Variants in ERBB4 observed in about 807,000 individuals in gnomAD.
ERBB4 encodes the protein receptor tyrosine-protein kinase erbB-4.
ERBB4 carries 42 observed loss-of-function variants against 158.0 expected under a neutral mutation model. The observed-to-expected ratio is 0.27, with a 90% confidence interval of 0.21 to 0.34. The LOEUF is 0.34. Ranked by LOEUF, ERBB4 falls within the 10% of genes least tolerant of loss-of-function variation. ERBB4 has a pLI of 1.00. For synonymous variants in ERBB4, 583 were observed against 558.7 expected, an observed-to-expected ratio of 1.04 and a Z score of -0.61; for missense variants, 1,333 against 1,624.1, an observed-to-expected ratio of 0.82 and a Z score of 3.08.
At chr2:211,549,244 T>C (rs1263142756) in intron 20 of ERBB4, among the ~76,000 whole-genome samples, 1 of 152,054 alleles carries the variant, frequency 6.6e-6, no homozygotes, top group Non-Finnish European at 1.5e-5. Flanking sequence ...CACTTAGGTT[T>C]TGTTGTCTGA....
intron 2 of ERBB4, among the ~76,000 whole-genome samples, chr2:211,963,858 T>C (rs142130431): frequency 1.6e-3 from 239 of 152,306 alleles, no homozygotes; most frequent in African/African-American, 5.5e-3. Context: ...TATCTTTTGT[T>C]TGAAAGAAAG....
chr2:212,325,685 C>T (rs1048589132), intron 1 of ERBB4, among the ~76,000 whole-genome samples: 1 of 150,270 alleles, frequency 6.7e-6, no homozygotes, highest in Non-Finnish European at 1.5e-5. Context: ...ATTTATCATT[C>T]CTGTGTATTA....
chr2:212,415,897 T>A (rs910164654), intron 1 of ERBB4, among the ~76,000 whole-genome samples: 97 of 152,256 alleles, frequency 6.4e-4, no homozygotes, highest in African/African-American at 2.2e-3. Flanking sequence ...TCCATTCAAA[T>A]TATGATATCA....
chr2:212,355,186 G>A (rs771751654), intron 1 of ERBB4, among the ~76,000 whole-genome samples: 5 of 151,926 alleles, frequency 3.3e-5, no homozygotes, highest in Non-Finnish European at 5.9e-5. Context: ...ATTGCACTTA[G>A]CACTTTGTGT....
chr2:212,303,259 T>C (rs1203957072), intron 1 of ERBB4, among the ~76,000 whole-genome samples: 1 of 151,436 alleles, frequency 6.6e-6, no homozygotes, highest in Non-Finnish European at 1.5e-5. Context: ...ATTAGGGAGC[T>C]TCAGACAGGA....
At chr2:212,477,983 C>A (rs1335103599) in intron 1 of ERBB4, among the ~76,000 whole-genome samples, 1 of 152,084 alleles carries the variant, frequency 6.6e-6, no homozygotes, top group Non-Finnish European at 1.5e-5. Flanking sequence ...TCTTATTGGG[C>A]TGTGTCATTC....
At chr2:211,723,334 A>T (rs1209265012) in intron 6 of ERBB4, among the ~76,000 whole-genome samples, 1 of 152,188 alleles carries the variant, frequency 6.6e-6, no homozygotes, top group African/African-American at 2.4e-5. Flanking sequence ...ACATATAAAC[A>T]TGTGATTAAC....
At chr2:212,339,202 C>A (rs1170966615) in intron 1 of ERBB4, among the ~76,000 whole-genome samples, 1 of 152,028 alleles carries the variant, frequency 6.6e-6, no homozygotes, top group Admixed American at 6.6e-5. Flanking sequence ...TGTGTTGTTC[C>A]CCTTCCTGTG....
chr2:212,424,833 G>T (rs2091872326), intron 1 of ERBB4, among the ~76,000 whole-genome samples: 1 of 151,882 alleles, frequency 6.6e-6, no homozygotes, highest in Admixed American at 6.6e-5. Flanking sequence ...TATAAACAAA[G>T]AAAAAGCCTT....
chr2:212,233,612 T>C (rs1302503603), intron 1 of ERBB4, among the ~76,000 whole-genome samples: 1 of 152,178 alleles, frequency 6.6e-6, no homozygotes, highest in Non-Finnish European at 1.5e-5. Context: ...TATTTACTTT[T>C]ATTAAACACT....
chr2:212,458,815 A>C (rs1688430782), intron 1 of ERBB4, among the ~76,000 whole-genome samples: 1 of 152,198 alleles, frequency 6.6e-6, no homozygotes, highest in African/African-American at 2.4e-5. Flanking sequence ...AACAAAAATT[A>C]ATAAACTTTG....
intron 2 of ERBB4, among the ~76,000 whole-genome samples, chr2:212,042,687 C>A (rs1282290412): frequency 6.6e-6 from 1 of 152,088 alleles, no homozygotes; most frequent in Non-Finnish European, 1.5e-5. Context: ...TGTAAGGAAA[C>A]TGGATCTCGC....
intron 1 of ERBB4, among the ~76,000 whole-genome samples, chr2:212,495,684 T>C (rs1335399035): frequency 1.3e-5 from 2 of 152,194 alleles, no homozygotes; most frequent in Non-Finnish European, 2.9e-5. Flanking sequence ...TGGCACATAA[T>C]TATAGCCTTC....
intron 2 of ERBB4, among the ~76,000 whole-genome samples, chr2:212,000,708 T>G (rs566340589): frequency 6.6e-6 from 1 of 151,852 alleles, no homozygotes; most frequent in Admixed American, 6.6e-5. Flanking sequence ...ACCCTAACAA[T>G]ATTGTTAAGA....
intron 1 of ERBB4, among the ~76,000 whole-genome samples, chr2:212,195,334 G>GA (rs566639012): frequency 1.3e-5 from 2 of 151,940 alleles, no homozygotes; most frequent in African/African-American, 4.8e-5. Context: ...TACTTTCTAA[G>GA]AAAATCAAAC....
At chr2:212,232,206 G>A (rs536900857) in intron 1 of ERBB4, among the ~76,000 whole-genome samples, 1 of 152,018 alleles carries the variant, frequency 6.6e-6, no homozygotes, top group Non-Finnish European at 1.5e-5. Context: ...GTTTTTATAT[G>A]TTATAAAGAA....
intron 10 of ERBB4, 127 bp from the exon 11 acceptor site, chr2:211,704,321 A>G (rs191130081): frequency 7.5e-4 from 528 of 701,284 alleles, no homozygotes; most frequent in Non-Finnish European, 1.2e-3. Context: ...GAACATTTCT[A>G]TTTTTTAAGC....
intron 1 of ERBB4, among the ~76,000 whole-genome samples, chr2:212,371,672 C>T (rs569763408): frequency 2.6e-5 from 4 of 152,288 alleles, no homozygotes; most frequent in South Asian, 4.1e-4. Flanking sequence ...AATTTATATA[C>T]ATCATCTCTT....
chr2:212,413,546 A>T (rs1189186391), intron 1 of ERBB4, among the ~76,000 whole-genome samples: 1 of 152,090 alleles, frequency 6.6e-6, no homozygotes, highest in Non-Finnish European at 1.5e-5. Context: ...ACAACTGTAA[A>T]ACAGTTCTAT....
Sources: allele counts gnomAD v4.1 joint callset (sites outside exome capture counted in the v4.1 genomes callset), GRCh38; gene constraint gnomAD v4.1.1; transcripts MANE v1.5; gene names NCBI Gene and HGNC (gene_info 2026-07-23, HGNC 2026-07-21).